CSMD1: variants seen among roughly 807,000 people sequenced by gnomAD.
The protein encoded by CSMD1 is CUB and sushi domain-containing protein 1.
In CSMD1, 213 loss-of-function variants were observed where a neutral mutation model predicts 417.5. The observed-to-expected ratio is 0.51, with a 90% CI of 0.46 to 0.57. The LOEUF is 0.57. CSMD1 is among the 20% of genes least tolerant of loss of function. The probability of loss-of-function intolerance (pLI) is 0.00; values close to 1 mark genes in which losing one functional copy is unlikely to be tolerated. For missense variants in CSMD1, 6,923 were observed against 4,529.7 expected (o/e 1.53, Z -15.17); for synonymous variants, 2,862 against 1,736.8 (o/e 1.65, Z -16.11).
At chr8:3,008,623 A>G (rs1808144870) in intron 52 of CSMD1, among the ~76,000 whole-genome samples, 1 of 152,204 alleles carries the variant, frequency 6.6e-6, no homozygotes. Context: ...TCAGAACTCC[A>G]GCATGCCCCC....
intron 3 of CSMD1, among the ~76,000 whole-genome samples, chr8:4,302,263 G>T (rs1462365812): frequency 6.6e-6 from 1 of 152,170 alleles, no homozygotes; most frequent in African/African-American, 2.4e-5. Flanking sequence ...GTGATGGTCT[G>T]GGAAAATAGG....
Position 4,816,635 on chromosome 8 carries a change from C to T in CSMD1, c.85+177697G>A, listed in dbSNP as rs141510357. ...GGCGAACCATGTGAACACCTGTTCC[C>T]GACCGTATGGCTCTACAATTCCCAC... is the stretch of plus-strand genomic sequence containing the variant. On this transcript the variant is annotated intron_variant, in intron 1 of 69. Transcript: ENST00000635120. Among the ~76,000 whole-genome samples the T allele has an allele frequency of 1.4e-4, 21 of 152,230 alleles. No individual in the cohort carries two copies. The East Asian group carries it at 3.3e-3, about 24-fold the overall frequency.
intron 3 of CSMD1, among the ~76,000 whole-genome samples, chr8:4,217,441 G>C (rs144804028): frequency 6.6e-6 from 1 of 152,044 alleles, no homozygotes. Flanking sequence ...TATAAGACAC[G>C]TTATACCATA....
At position 3,801,903 on chromosome 8, in the gene CSMD1, C is replaced by T. The variant is rs546842251; in HGVS notation, c.819-47861G>A. On this transcript the variant is annotated intron_variant, in intron 5 of 69. Transcript: ENST00000635120. ...ACATATTATGAGATCTCATATAATA[C>T]CCAATGCCTAGGGTATAGGGTGGGG... Among the ~76,000 whole-genome samples the T allele has an allele frequency of 6.8e-4, 103 of 152,038 alleles. 1 individual carries two copies. In the South Asian group the frequency reaches 0.016, roughly 24 times the overall value.
At chr8:4,804,621 A>G (rs114241848) in intron 1 of CSMD1, among the ~76,000 whole-genome samples, 1,702 of 152,280 alleles carry the variant, frequency 0.011, 26 homozygotes, top group African/African-American at 0.038. Context: ...GACAGGGGAT[A>G]TAAAAGGCAG....
intron 3 of CSMD1, among the ~76,000 whole-genome samples, chr8:4,183,724 A>T (rs1714780): frequency 6.6e-6 from 1 of 152,254 alleles, no homozygotes; most frequent in Non-Finnish European, 1.5e-5. Flanking sequence ...GAAAAATAAT[A>T]TATCATTTTA....
chr8:2,938,625 C>A lies in CSMD1; in HGVS notation c.10655G>T (p.Arg3552Met), dbSNP rs532409447. 6.2e-7 allele frequency: 1 copy of A among 1,612,280 alleles called. No individual in the cohort carries two copies. The highest frequency in any genetic ancestry group is 8.5e-7 in the Non-Finnish European group (1 of 1,179,204). The change falls in exon 70 of 70, where the codon AGG (arginine) becomes ATG (methionine). Residue 3552 changes from arginine (R) to methionine (M), a missense_variant. Coordinates refer to ENST00000635120, the MANE Select transcript of CSMD1 (RefSeq NM_033225.6). ...NLKPTEAKAVRFDTTLNTVCT... is the reference protein window; with the variant it reads ...NLKPTEAKAVMFDTTLNTVCT... ...GACTGTGTTCAGAGTTGTGTCAAAC[C>A]TCACAGCCTTGGCTTCTGTGGGTTT...
chr8:3,566,798 G>A (rs1799731922), intron 10 of CSMD1, among the ~76,000 whole-genome samples: 1 of 152,154 alleles, frequency 6.6e-6, no homozygotes, highest in South Asian at 2.1e-4. Context: ...GTGAGGTTGT[G>A]GAGAAAAAGG....
At chr8:3,116,980 T>C (rs7007598) in intron 42 of CSMD1, among the ~76,000 whole-genome samples, 29,962 of 152,108 alleles carry the variant, frequency 0.2, 5,826 homozygotes, top group African/African-American at 0.51. Flanking sequence ...TAATTTTAAG[T>C]GCTATTTTAT....
At chr8:3,983,288 G>A (rs1330793581) in intron 5 of CSMD1, among the ~76,000 whole-genome samples, 8 of 151,770 alleles carry the variant, frequency 5.3e-5, no homozygotes, top group African/African-American at 1.7e-4. Context: ...CCACCACCAC[G>A]CCCGGCTAAT....
chr8:3,508,163 G>A (rs962059149), intron 10 of CSMD1, among the ~76,000 whole-genome samples: 3 of 152,146 alleles, frequency 2.0e-5, no homozygotes, highest in East Asian at 3.9e-4. Flanking sequence ...TCATAGGTGG[G>A]AATTGAACAA....
At chr8:4,373,649 G>A (rs549307497) in intron 3 of CSMD1, among the ~76,000 whole-genome samples, 2 of 152,110 alleles carry the variant, frequency 1.3e-5, no homozygotes, top group Non-Finnish European at 2.9e-5. Context: ...AAATATTATG[G>A]AAGTTATGAT....
At chr8:4,737,653 G>C (rs933615789) in intron 1 of CSMD1, among the ~76,000 whole-genome samples, 3 of 152,120 alleles carry the variant, frequency 2.0e-5, no homozygotes, top group Non-Finnish European at 2.9e-5. Flanking sequence ...TGAGATAAAA[G>C]AAAAAGAGAC....
chr8:3,996,536 T>C lies in CSMD1; in HGVS notation c.818+1367A>G, dbSNP rs10103089. ...GGCAGAACCTGTGGTATAACTTAGG[T>C]TATCCACCTCTCGGCTCAGCTTTTG... On this transcript the variant is annotated intron_variant, in intron 5 of 69. Transcript: ENST00000635120. 8.2e-3 allele frequency among the ~76,000 whole-genome samples: 1,248 copies of C among 152,236 alleles called. 22 individuals carry two copies. The highest frequency in any genetic ancestry group is 0.028 in the African/African-American group (1,176 of 41,544).
At chr8:4,177,366 T>C (rs1172961799) in intron 3 of CSMD1, among the ~76,000 whole-genome samples, 2 of 151,932 alleles carry the variant, frequency 1.3e-5, no homozygotes, top group African/African-American at 4.8e-5. Flanking sequence ...GAAATAAAGA[T>C]GTTCTTTGAA....
chr8:4,931,596 C>T (rs1399686290), intron 1 of CSMD1, among the ~76,000 whole-genome samples: 2 of 152,152 alleles, frequency 1.3e-5, no homozygotes, highest in Admixed American at 6.5e-5. Context: ...TTTATAGCTA[C>T]GTTATAAACT....
At chr8:3,767,764 C>T (rs1798360632) in intron 5 of CSMD1, among the ~76,000 whole-genome samples, 1 of 152,138 alleles carries the variant, frequency 6.6e-6, no homozygotes, top group African/African-American at 2.4e-5. Flanking sequence ...ACATTAATGA[C>T]ACTCAGAGAA....
At chr8:4,531,879 A>C (rs1217773195) in intron 2 of CSMD1, among the ~76,000 whole-genome samples, 1 of 152,036 alleles carries the variant, frequency 6.6e-6, no homozygotes, top group Non-Finnish European at 1.5e-5. Flanking sequence ...TCCGGAAGAG[A>C]AATCCTGCAC....
chr8:3,332,823 T>G (rs553323229), intron 23 of CSMD1, among the ~76,000 whole-genome samples: 13 of 152,322 alleles, frequency 8.5e-5, no homozygotes, highest in Admixed American at 2.6e-4. Flanking sequence ...CCTGGATGTA[T>G]GAATGATTCT....
Sources: allele counts gnomAD v4.1 joint callset (sites outside exome capture counted in the v4.1 genomes callset), GRCh38; gene constraint gnomAD v4.1.1; transcripts MANE v1.5; gene names NCBI Gene and HGNC (gene_info 2026-07-23, HGNC 2026-07-21).